TXNRD2: variants seen among roughly 807,000 people sequenced by gnomAD.
TXNRD2 encodes the protein thioredoxin reductase 2, mitochondrial.
Under a neutral mutation model 70.8 loss-of-function variants are expected in TXNRD2, and 67 were observed. The ratio of observed to expected loss-of-function variants is 0.95; its 90% CI spans 0.78 to 1.16. The LOEUF (loss-of-function observed/expected upper bound fraction) is 1.16, where lower values mean the gene tolerates loss of function less well. Among genes scored for constraint, TXNRD2 ranks in the 50% most tolerant of loss-of-function variants. TXNRD2 has a pLI of 0.00. For missense variants in TXNRD2, 644 were observed against 719.9 expected (o/e 0.89, Z 1.21); for synonymous variants, 301 against 295.8 (o/e 1.02, Z -0.18).
intron 5 of TXNRD2, 95 bp from the exon 6 acceptor site, chr22:19,915,938 C>G: frequency 3.5e-6 from 4 of 1,142,574 alleles, no homozygotes; most frequent in Non-Finnish European, 5.1e-6. Flanking sequence ...GGAGCTCCAG[C>G]CCCCAGCAGG....
chr22:19,895,295 C>G (rs989218305), intron 11 of TXNRD2, 112 bp downstream of exon 11: 10 of 1,596,654 alleles, frequency 6.3e-6, no homozygotes, highest in Non-Finnish European at 6.0e-6. Flanking sequence ...GCCAACCCGC[C>G]TGGCAGCCAG....
chr22:19,920,206 C>T (rs949335076), intron 2 of TXNRD2, among the ~76,000 whole-genome samples: 6 of 152,196 alleles, frequency 3.9e-5, no homozygotes, highest in Non-Finnish European at 7.3e-5. Context: ...CCACACTTCC[C>T]GCTGCAGAGC....
At chr22:19,926,936 T>C (rs1233987758) in intron 2 of TXNRD2, among the ~76,000 whole-genome samples, 1 of 152,180 alleles carries the variant, frequency 6.6e-6, no homozygotes, top group Non-Finnish European at 1.5e-5. Flanking sequence ...GAAACTAAAA[T>C]GTTCTTGAAT....
intron 11 of TXNRD2, chr22:19,895,140 C>T (rs767233191): frequency 6.3e-7 from 1 of 1,598,482 alleles, no homozygotes; most frequent in African/African-American, 1.3e-5. Flanking sequence ...GTCTCAGTCT[C>T]TTCTCTGGTT....
At chr22:19,935,045 CA>C in intron 1 of TXNRD2, among the ~76,000 whole-genome samples, 1 of 152,110 alleles carries the variant, frequency 6.6e-6, no homozygotes, top group Non-Finnish European at 1.5e-5. Flanking sequence ...AACAGAATAA[CA>C]GTGATTTTTA....
At chr22:19,913,821 T>TCC (rs141420263) in intron 7 of TXNRD2, among the ~76,000 whole-genome samples, 6,249 of 152,128 alleles carry the variant, frequency 0.041, 451 homozygotes, top group African/African-American at 0.14. Flanking sequence ...GTGGAAGGCA[T>TCC]CCCCTCCAAA....
chr22:19,923,312 A>G (rs906251574), intron 2 of TXNRD2, among the ~76,000 whole-genome samples: 1 of 152,094 alleles, frequency 6.6e-6, no homozygotes, highest in African/African-American at 2.4e-5. Context: ...GATTCCTTCA[A>G]CTAGGATAGT....
chr22:19,883,595 T>A, intron 11 of TXNRD2, 134 bp from the exon 12 acceptor site: 2 of 1,306,462 alleles, frequency 1.5e-6, no homozygotes, highest in Non-Finnish European at 2.2e-6. Context: ...CCCAGCACTG[T>A]AGGAGGACGA....
At chr22:19,932,196 C>A (rs1271222248) in intron 1 of TXNRD2, among the ~76,000 whole-genome samples, 1 of 151,014 alleles carries the variant, frequency 6.6e-6, no homozygotes, top group African/African-American at 2.4e-5. Flanking sequence ...AAAGCACAAG[C>A]AGCCCCTGTC....
At chr22:19,935,248 G>A (rs1436395854) in intron 1 of TXNRD2, among the ~76,000 whole-genome samples, 1 of 152,138 alleles carries the variant, frequency 6.6e-6, no homozygotes, top group Admixed American at 6.5e-5. Context: ...TCTGTAAACG[G>A]CCACTCTGGG....
chr22:19,914,515 T>C (rs1034041495), intron 7 of TXNRD2, among the ~76,000 whole-genome samples: 2 of 152,064 alleles, frequency 1.3e-5, no homozygotes, highest in Non-Finnish European at 2.9e-5. Context: ...CACATACGAG[T>C]CACTAAGGGA....
At chr22:19,893,099 C>T (rs561991527) in intron 11 of TXNRD2, among the ~76,000 whole-genome samples, 225 of 152,286 alleles carry the variant, frequency 1.5e-3, no homozygotes, top group Middle Eastern at 3.4e-3. Flanking sequence ...TTTCCCATTC[C>T]GAGTGACTGC....
intron 1 of TXNRD2, among the ~76,000 whole-genome samples, chr22:19,935,175 C>T (rs1020354514): frequency 6.6e-6 from 1 of 152,146 alleles, no homozygotes; most frequent in African/African-American, 2.4e-5. Flanking sequence ...TCGCTAAATT[C>T]TTTTCCTAGC....
intron 11 of TXNRD2, among the ~76,000 whole-genome samples, chr22:19,886,176 A>G (rs1601394730): frequency 6.6e-6 from 1 of 152,208 alleles, no homozygotes; most frequent in Admixed American, 6.5e-5. Context: ...AGCCCTGAGG[A>G]GGGCAGCCGA....
At chr22:19,930,918 C>A (rs1941333584) in intron 2 of TXNRD2, 112 bp downstream of exon 2, 6 of 946,648 alleles carry the variant, frequency 6.3e-6, no homozygotes, top group African/African-American at 3.2e-5. Flanking sequence ...ACTGGGGTGA[C>A]CCCAGCAGGG....
chr22:19,884,958 G>A (rs117721054), intron 11 of TXNRD2, among the ~76,000 whole-genome samples: 180 of 152,266 alleles, frequency 1.2e-3, no homozygotes, highest in Admixed American at 2.2e-3. Context: ...AAACTACACC[G>A]TGCCCATTCT....
chr22:19,877,216 C>T lies in TXNRD2; in HGVS notation c.1464G>A (p.Ala488=), dbSNP rs372816982. The T allele has an allele frequency of 7.4e-6, 12 of 1,610,914 alleles. No individual in the cohort carries two copies. The highest frequency in any genetic ancestry group is 6.7e-5 in the African/African-American group (5 of 74,842). The change falls in exon 17 of 18, where the codon GCG becomes GCA. Residue 488 remains alanine, a synonymous_variant. Transcript: ENST00000400521. ...GGATACCCACGGTCCGCATCACCTGCGCATAGGAAGCCCCACACCTGCACA... is the reference window on the plus strand; with the variant it reads ...GGATACCCACGGTCCGCATCACCTGTGCATAGGAAGCCCCACACCTGCACA... ...ALGIKCGASY[A]QVMRTVGIHP...
intron 11 of TXNRD2, chr22:19,894,813 C>G: frequency 2.7e-6 from 1 of 374,708 alleles, no homozygotes; most frequent in Non-Finnish European, 4.9e-6. Flanking sequence ...CATGGTGAAA[C>G]CCCGTCTCTA....
intron 8 of TXNRD2, among the ~76,000 whole-genome samples, 158 bp from the exon 9 acceptor site, chr22:19,899,226 T>C (rs907000095): frequency 2.0e-5 from 3 of 152,174 alleles, no homozygotes; most frequent in Admixed American, 6.5e-5. Context: ...CAAAGCCCAC[T>C]TTCCAAGGCT....
Sources: gnomAD v4.1 joint callset for allele counts (sites outside exome capture counted in the v4.1 genomes callset) on GRCh38, gnomAD v4.1.1 for gene constraint, MANE v1.5 for transcripts, NCBI Gene and HGNC (gene_info 2026-07-23, HGNC 2026-07-21) for gene names.